ATRNL1: variants seen among roughly 807,000 people sequenced by gnomAD.
The protein encoded by ATRNL1 is attractin-like protein 1.
Under a neutral mutation model 182.7 loss-of-function variants are expected in ATRNL1, and 95 were observed. The observed-to-expected ratio is 0.52, with a 90% CI of 0.44 to 0.62. The LOEUF (loss-of-function observed/expected upper bound fraction) is 0.62, where lower values mean the gene tolerates loss of function less well. ATRNL1 is among the 20% of genes least tolerant of loss of function. ATRNL1 has a pLI of 0.00. For synonymous variants in ATRNL1, 576 were observed against 568.3 expected (o/e 1.01, Z -0.19); for missense variants, 1,471 against 1,679.5 (o/e 0.88, Z 2.17).
rs141509537 is a variant in ATRNL1, at chr10:115,873,192, C to T, written c.4018+25201C>T. Among the ~76,000 whole-genome samples the T allele has an allele frequency of 6.2e-4, 95 of 152,306 alleles. 1 individual carries two copies. In the South Asian group the frequency reaches 9.7e-3, roughly 16 times the overall value. On this transcript the variant is annotated intron_variant, in intron 28 of 28. Coordinates refer to ENST00000355044, the MANE Select transcript of ATRNL1 (RefSeq NM_207303.4). Reference sequence around the variant, plus strand: ...GACCTTCATATAACTTCTACCTGTACTGTCAGCAGAGATGCTGTTTTTGTG... The same window carrying T: ...GACCTTCATATAACTTCTACCTGTATTGTCAGCAGAGATGCTGTTTTTGTG...
chr10:115,734,989 G>C (rs1555064976), intron 27 of ATRNL1, among the ~76,000 whole-genome samples: 1 of 151,908 alleles, frequency 6.6e-6, no homozygotes, highest in Non-Finnish European at 1.5e-5. Context: ...TTTAAATCTT[G>C]CTTCCAATTT....
chr10:115,799,392 A>AT (rs1164277669), intron 27 of ATRNL1, among the ~76,000 whole-genome samples: 1 of 152,212 alleles, frequency 6.6e-6, no homozygotes, highest in Non-Finnish European at 1.5e-5. Flanking sequence ...AGAAGGGAAC[A>AT]TAGAGGCCTC....
chr10:115,107,027 A>G lies in ATRNL1; in HGVS notation c.293+12984A>G, dbSNP rs532512273. 3.3e-5 allele frequency among the ~76,000 whole-genome samples: 5 copies of G among 152,268 alleles called. No homozygotes were observed. The South Asian group carries it at 8.3e-4, about 25-fold the overall frequency. On this transcript the variant is annotated intron_variant, in intron 1 of 28. Coordinates refer to ENST00000355044, the MANE Select transcript of ATRNL1 (RefSeq NM_207303.4). ...AGCATTCAAATCTCATCCTTTTATA[A>G]GGAACCCATTCCCCTGATAATGAAC...
intron 24 of ATRNL1, among the ~76,000 whole-genome samples, chr10:115,473,601 G>T (rs1316802412): frequency 6.6e-6 from 1 of 151,198 alleles, no homozygotes; most frequent in Non-Finnish European, 1.5e-5. Flanking sequence ...CATAAGTTCG[G>T]AAGTGTTCAC....
At chr10:115,375,628 T>G (rs2134212737) in intron 19 of ATRNL1, among the ~76,000 whole-genome samples, 1 of 152,124 alleles carries the variant, frequency 6.6e-6, no homozygotes, top group South Asian at 2.1e-4. Context: ...CTTTTGTGCA[T>G]GTACTAGAGG....
At chr10:115,727,157 A>G (rs1555060379) in intron 26 of ATRNL1, 91 bp from the exon 27 acceptor site, 2 of 846,982 alleles carry the variant, frequency 2.4e-6, no homozygotes, top group South Asian at 3.0e-5. Context: ...TAACTTTTCA[A>G]TGCCATTTGT....
chr10:115,716,978 T>G (rs2134032302), intron 26 of ATRNL1, among the ~76,000 whole-genome samples: 2 of 152,322 alleles, frequency 1.3e-5, no homozygotes, highest in Admixed American at 1.3e-4. Context: ...GTTCTCATTT[T>G]TGCTCTTTGA....
At chr10:115,241,749 A>C in intron 10 of ATRNL1, 24 bp downstream of exon 10, 1 of 1,582,034 alleles carries the variant, frequency 6.3e-7, no homozygotes, top group South Asian at 1.1e-5. Flanking sequence ...AGGATTGTAC[A>C]AAGTAGGAAA....
chr10:115,937,743 T>G (rs1372475771), intron 28 of ATRNL1, among the ~76,000 whole-genome samples: 4 of 152,206 alleles, frequency 2.6e-5, no homozygotes, highest in Non-Finnish European at 5.9e-5. Context: ...GCATGGTATT[T>G]CCATTTAAAT....
intron 22 of ATRNL1, among the ~76,000 whole-genome samples, chr10:115,463,430 A>G (rs1299164989): frequency 6.6e-6 from 1 of 152,176 alleles, no homozygotes; most frequent in African/African-American, 2.4e-5. Context: ...AGATATATTA[A>G]CAATCTCAGA....
intron 25 of ATRNL1, among the ~76,000 whole-genome samples, chr10:115,524,774 A>G (rs1554986127): frequency 1.3e-5 from 2 of 152,170 alleles, no homozygotes; most frequent in Non-Finnish European, 2.9e-5. Flanking sequence ...TAGTGGGCAC[A>G]CTGTGAGCAA....
intron 26 of ATRNL1, among the ~76,000 whole-genome samples, chr10:115,559,593 G>C (rs1242769439): frequency 6.6e-6 from 1 of 152,096 alleles, no homozygotes; most frequent in Admixed American, 6.5e-5. Flanking sequence ...CATACATATT[G>C]CCTAGATCTT....
At chr10:115,682,731 G>A (rs1315415915) in intron 26 of ATRNL1, among the ~76,000 whole-genome samples, 9 of 152,002 alleles carry the variant, frequency 5.9e-5, no homozygotes, top group African/African-American at 1.9e-4. Flanking sequence ...CTACCTTTAT[G>A]CTCTTGTGCT....
intron 27 of ATRNL1, among the ~76,000 whole-genome samples, chr10:115,787,701 C>A (rs1006741787): frequency 1.1e-4 from 17 of 152,134 alleles, no homozygotes; most frequent in Admixed American, 9.2e-4. Flanking sequence ...TCTTCAGCAC[C>A]CCATTTCCCC....
chr10:115,390,000 A>T (rs947385146), intron 19 of ATRNL1, among the ~76,000 whole-genome samples: 1 of 151,952 alleles, frequency 6.6e-6, no homozygotes, highest in Non-Finnish European at 1.5e-5. Flanking sequence ...GTCTGCTTTT[A>T]AAAAAAATTT....
intron 27 of ATRNL1, among the ~76,000 whole-genome samples, chr10:115,823,873 A>G (rs1316112858): frequency 2.6e-5 from 4 of 152,230 alleles, no homozygotes; most frequent in African/African-American, 7.2e-5. Context: ...TGTAGATTCA[A>G]TGCCATCCCC....
chr10:115,334,497 A>G (rs1855389082), intron 19 of ATRNL1, 78 bp downstream of exon 19: 1 of 1,115,664 alleles, frequency 9.0e-7, no homozygotes, highest in Non-Finnish European at 1.2e-6. Flanking sequence ...TGTTGTGGAG[A>G]ATATATACTA....
At chr10:115,806,367 C>T (rs969018935) in intron 27 of ATRNL1, among the ~76,000 whole-genome samples, 1 of 152,106 alleles carries the variant, frequency 6.6e-6, no homozygotes, top group African/African-American at 2.4e-5. Flanking sequence ...CCAGACTTTG[C>T]TTTAATTAAT....
At chr10:115,815,411 GTGTA>G (rs1472016860) in intron 27 of ATRNL1, among the ~76,000 whole-genome samples, 89 of 119,440 alleles carry the variant, frequency 7.5e-4, no homozygotes, top group East Asian at 6.5e-3. Flanking sequence ...TGTGGTGTGT[GTGTA>G]TGTGTGTGTG....
Sources: allele counts gnomAD v4.1 joint callset (sites outside exome capture counted in the v4.1 genomes callset), GRCh38; gene constraint gnomAD v4.1.1; transcripts MANE v1.5; gene names NCBI Gene and HGNC (gene_info 2026-07-23, HGNC 2026-07-21).